EPRS1: variants seen among roughly 807,000 people sequenced by gnomAD.
EPRS1 encodes the protein bifunctional glutamate/proline--tRNA ligase.
EPRS1 carries 107 observed loss-of-function variants against 188.3 expected under a neutral mutation model. That is an observed-to-expected ratio of 0.57 (90% CI 0.49 to 0.67). The LOEUF (loss-of-function observed/expected upper bound fraction) is 0.67. EPRS1 is among the 30% of genes least tolerant of loss of function. EPRS1 has a pLI of 0.00. For synonymous variants in EPRS1, 596 were observed against 593.1 expected (o/e 1.00, Z -0.07); for missense variants, 1,577 against 1,802.2 (o/e 0.88, Z 2.26).
chr1:220,025,388 C>A, intron 6 of EPRS1, 130 bp from the exon 7 acceptor site: 1 of 573,534 alleles, frequency 1.7e-6, no homozygotes, highest in Non-Finnish European at 2.7e-6. Context: ...ATTTTATTTT[C>A]TAACAAAAAG....
At chr1:220,000,926 A>G (rs955763293) in intron 17 of EPRS1, among the ~76,000 whole-genome samples, 1 of 152,234 alleles carries the variant, frequency 6.6e-6, no homozygotes, top group Non-Finnish European at 1.5e-5. Flanking sequence ...GGTTGCAGTG[A>G]GCCCAGATCG....
chr1:220,033,686 T>G (rs780228688), intron 3 of EPRS1, 28 bp from the exon 4 acceptor site: 29 of 1,545,384 alleles, frequency 1.9e-5, no homozygotes, highest in Non-Finnish European at 2.7e-6. Context: ...AGAAAAGAAA[T>G]GCATTCCAAC....
intron 28 of EPRS1, among the ~76,000 whole-genome samples, chr1:219,973,944 TG>T (rs1660725002): frequency 6.6e-6 from 1 of 152,034 alleles, no homozygotes; most frequent in African/African-American, 2.4e-5. Flanking sequence ...CCTGAGAATT[TG>T]TTTTTTTTTG....
intron 5 of EPRS1, among the ~76,000 whole-genome samples, chr1:220,032,002 T>A (rs1180101014): frequency 6.6e-6 from 1 of 152,086 alleles, no homozygotes; most frequent in East Asian, 1.9e-4. Flanking sequence ...CCTTTTAAAT[T>A]TATTAAAAGA....
chr1:220,039,557 C>T (rs1158558083), intron 2 of EPRS1, among the ~76,000 whole-genome samples: 3 of 147,118 alleles, frequency 2.0e-5, no homozygotes, highest in African/African-American at 7.7e-5. Flanking sequence ...CTAACTCTGT[C>T]ACCCAGGCTG....
intron 4 of EPRS1, among the ~76,000 whole-genome samples, 191 bp downstream of exon 4, chr1:220,033,311 G>T (rs982810217): frequency 2.6e-5 from 4 of 151,986 alleles, no homozygotes; most frequent in African/African-American, 9.7e-5. Context: ...AAAAACACAG[G>T]GAATTCCCGT....
rs1002160093 is a variant in EPRS1 at position 220,046,505 on chromosome 1, C to A, written c.-117G>T. ...GCGTACCCGACGCCGCCGCAGCCTT[C>A]GCTCCGCCCCTGCGCCGCAGCTACT... On this transcript the variant is annotated 5_prime_UTR_variant, in exon 1 of 32. Transcript: ENST00000366923. 5 of 1,508,414 alleles carry A rather than the reference C, an allele frequency of 3.3e-6. No individual in the cohort carries two copies. The highest frequency in any genetic ancestry group is 4.4e-6 in the Non-Finnish European group (5 of 1,128,460). The allele number at this position is 1,508,414 out of a possible 1,614,324, so 93.4% of individuals were successfully genotyped here. A position where few individuals can be genotyped will look rare whatever the true frequency, so the allele number is the denominator to read the frequency against.
chr1:220,032,615 G>T, intron 4 of EPRS1, 89 bp from the exon 5 acceptor site: 1 of 1,275,072 alleles, frequency 7.8e-7, no homozygotes, highest in Non-Finnish European at 1.1e-6. Flanking sequence ...TAATTGAGAT[G>T]GCTTAAAGTT....
At chr1:219,971,428 A>G (rs756050026) in intron 30 of EPRS1, among the ~76,000 whole-genome samples, 2 of 152,160 alleles carry the variant, frequency 1.3e-5, no homozygotes, top group Non-Finnish European at 2.9e-5. Flanking sequence ...GCCCCTCATT[A>G]TGAAAAACAG....
intron 5 of EPRS1, among the ~76,000 whole-genome samples, chr1:220,030,800 GTATA>G (rs1469232668): frequency 1.3e-5 from 2 of 152,122 alleles, no homozygotes; most frequent in African/African-American, 2.4e-5. Flanking sequence ...ATCAGATGGA[GTATA>G]TGGGATGCTA....
intron 19 of EPRS1, among the ~76,000 whole-genome samples, chr1:219,988,112 G>A (rs920241510): frequency 6.6e-6 from 1 of 152,168 alleles, no homozygotes; most frequent in African/African-American, 2.4e-5. Context: ...TTCCACTCAT[G>A]TGAATCTGTA....
Position 220,033,416 on chromosome 1 carries a change from C to A in EPRS1, c.388+86G>T, listed in dbSNP as rs541429778. 158 of 917,022 alleles carry A rather than the reference C, an allele frequency of 1.7e-4. No individual in the cohort carries two copies. In the South Asian group the frequency reaches 2.4e-3, roughly 14 times the overall value. The allele number at this position is 917,022 out of a possible 1,614,324, so 56.8% of individuals were successfully genotyped here. On this transcript the variant is annotated intron_variant, in intron 4 of 31. Coordinates refer to ENST00000366923, the MANE Select transcript of EPRS1 (RefSeq NM_004446.3). ...ATATATATACACACACATATACATA[C>A]ATGCATACACACAGAAATATATATA...
At chr1:220,041,551 GAT>G (rs1318807201) in intron 1 of EPRS1, among the ~76,000 whole-genome samples, 1 of 151,970 alleles carries the variant, frequency 6.6e-6, no homozygotes, top group Non-Finnish European at 1.5e-5. Flanking sequence ...ATTTGATTAA[GAT>G]AGACAGGCCA....
chr1:220,035,006 T>C lies in EPRS1; in HGVS notation c.139A>G (p.Ile47Val). ...ENILHVSENV[I>V]FTDVNSILRY... Reference sequence around the variant, plus strand: ...AGTATAGAATTCACATCTGTGAATATCACATTTCTAGAATATAAGCACGAG... The same window carrying C: ...AGTATAGAATTCACATCTGTGAATACCACATTTCTAGAATATAAGCACGAG... The change falls in exon 3 of 32, where the codon ATA (isoleucine) becomes GTA (valine). Residue 47 changes from isoleucine to valine, a missense_variant. By Grantham distance (29) the Ile-to-Val change is conservative. Around this residue, in one of 3 missense-constraint regions of EPRS1, gnomAD observed 1,278 missense variants for 1,457.4 expected, o/e 0.88. Transcript: ENST00000366923. The C allele has an allele frequency of 6.5e-7, 1 of 1,540,922 alleles. No individual in the cohort carries two copies. The highest frequency in any genetic ancestry group is 8.9e-7 in the Non-Finnish European group (1 of 1,126,796).
rs191903427 is a variant in EPRS1, at chr1:220,007,453, A to G, written c.1606-115T>C. 5 of 944,930 alleles carry G rather than the reference A, an allele frequency of 5.3e-6. No homozygotes were observed. In the Admixed American group the frequency reaches 1.3e-4, roughly 25 times the overall value. The allele number at this position is 944,930 out of a possible 1,614,324, so 58.5% of individuals were successfully genotyped here. A position where few individuals can be genotyped will look rare whatever the true frequency, so the allele number is the denominator to read the frequency against. On this transcript the variant is annotated intron_variant, in intron 13 of 31. Transcript: ENST00000366923. ...CATACAAAAGTCTTCTGTGTTACTA[A>G]ACTGTTAGCAGTTCATTGCTGTATT...
intron 18 of EPRS1, among the ~76,000 whole-genome samples, chr1:219,994,142 A>T (rs1341773405): frequency 6.6e-6 from 1 of 152,202 alleles, no homozygotes; most frequent in Non-Finnish European, 1.5e-5. Flanking sequence ...AGCCGAAGCC[A>T]CTGTCTGTGT....
chr1:219,991,936 G>C (rs1261402625), intron 18 of EPRS1, among the ~76,000 whole-genome samples: 1 of 152,196 alleles, frequency 6.6e-6, no homozygotes, highest in Non-Finnish European at 1.5e-5. Context: ...ATTTATATTT[G>C]TTTAGATCAA....
rs536527409 is a variant in EPRS1 at position 219,988,329 on chromosome 1, G to A, written c.2775+261C>T. Among the ~76,000 whole-genome samples, 6 of 152,206 alleles carry A rather than the reference G, an allele frequency of 3.9e-5. No homozygotes were observed. In the South Asian group the frequency reaches 1.0e-3, roughly 26 times the overall value. ...TATTCTGGATCTTACAGGTTGGAGG[G>A]AAACAAACAATTTAACAATTAAAAT... On this transcript the variant is annotated intron_variant, in intron 19 of 31. Transcript: ENST00000366923.
intron 2 of EPRS1, among the ~76,000 whole-genome samples, chr1:220,036,503 T>TAA (rs1172985325): frequency 7.2e-6 from 1 of 138,092 alleles, no homozygotes; most frequent in Non-Finnish European, 1.6e-5. Flanking sequence ...TATGCAGCCA[T>TAA]AAAAAAAAAA....
Sources: allele counts gnomAD v4.1 joint callset (sites outside exome capture counted in the v4.1 genomes callset), GRCh38; gene constraint gnomAD v4.1.1; regional missense constraint gnomAD v4.1.1; transcripts MANE v1.5; gene names NCBI Gene and HGNC (gene_info 2026-07-23, HGNC 2026-07-21).